NPLOC4: variants seen among roughly 807,000 people sequenced by gnomAD.
The protein encoded by NPLOC4 is nuclear protein localization protein 4 homolog.
NPLOC4 carries 18 observed loss-of-function variants against 80.6 expected under a neutral mutation model. The observed-to-expected ratio is 0.22, with a 90% CI of 0.15 to 0.33. The LOEUF (loss-of-function observed/expected upper bound fraction) is 0.33. Among genes scored for constraint, NPLOC4 ranks in the 10% least tolerant of loss-of-function variants. NPLOC4 has a pLI of 1.00. For missense variants in NPLOC4, 540 were observed against 786.1 expected (o/e 0.69, Z 3.74); for synonymous variants, 313 against 301.5 (o/e 1.04, Z -0.39).
At chr17:81,597,173 C>G (rs62074670) in intron 10 of NPLOC4, 72 bp downstream of exon 10, 107,662 of 1,067,574 alleles carry the variant, frequency 0.1, 6,657 homozygotes, top group Admixed American at 0.25. Context: ...GCAAAGAGAC[C>G]CTGATAATGC....
intron 3 of NPLOC4, among the ~76,000 whole-genome samples, chr17:81,614,873 T>G (rs1248472651): frequency 1.3e-5 from 2 of 152,118 alleles, no homozygotes; most frequent in Non-Finnish European, 2.9e-5. Context: ...GATATCTAAC[T>G]GCTGCCAACA....
chr17:81,581,139 C>T (rs2034427318), intron 12 of NPLOC4, among the ~76,000 whole-genome samples: 1 of 152,126 alleles, frequency 6.6e-6, no homozygotes, highest in Non-Finnish European at 1.5e-5. Flanking sequence ...GACCTGAGGT[C>T]AGGAGTTTGA....
intron 11 of NPLOC4, among the ~76,000 whole-genome samples, chr17:81,594,274 C>CAAAAAAAAAAAAAA (rs869281063): frequency 1.1e-4 from 6 of 53,660 alleles, no homozygotes; most frequent in Non-Finnish European, 1.4e-4. Context: ...GACTCCGTCT[C>CAAAAAAAAAAAAAA]AAAAAAAAAA....
chr17:81,571,971 C>T lies in NPLOC4; in HGVS notation c.1353+46G>A, dbSNP rs773064455. The T allele has an allele frequency of 8.9e-6, 13 of 1,453,190 alleles. No individual in the cohort carries two copies. The East Asian group carries it at 9.5e-5, about 11-fold the overall frequency. The allele number at this position is 1,453,190 out of a possible 1,614,324, so 90.0% of individuals were successfully genotyped here. A position where few individuals can be genotyped will look rare whatever the true frequency, so the allele number is the denominator to read the frequency against. ...CCACCCAGCAGTCCCACCTACAAGG[C>T]GCCCAATGGGTCCACCTGCCCAAGC... On this transcript the variant is annotated intron_variant, in intron 13 of 16. Transcript: ENST00000331134.
In NPLOC4 at chr17:81,558,041, C is replaced by G. The variant is rs933696382; in HGVS notation, c.*1218G>C. On this transcript the variant is annotated 3_prime_UTR_variant, in exon 17 of 17. Transcript: ENST00000331134. ...TGCAGAGCAGCCCAGATGTGGCCAT[C>G]ATTAAGGCAAAGAAGCATCGAGATG... 2 of 152,570 alleles carry G rather than the reference C, an allele frequency of 1.3e-5. No homozygotes were observed. The highest frequency in any genetic ancestry group is 1.9e-4 in the East Asian group (1 of 5,184). 9.5% of individuals were successfully genotyped at this position (152,570 alleles called of 1,614,324 possible).
intron 11 of NPLOC4, among the ~76,000 whole-genome samples, chr17:81,589,736 G>A (rs942710262): frequency 4.0e-5 from 6 of 151,642 alleles, no homozygotes; most frequent in South Asian, 2.1e-4. Flanking sequence ...CTCAGATTAC[G>A]CCTGTAATCT....
intron 6 of NPLOC4, 131 bp downstream of exon 6, chr17:81,608,597 G>T: frequency 1.6e-6 from 1 of 629,742 alleles, no homozygotes; most frequent in Non-Finnish European, 2.8e-6. Context: ...TAGAACCACG[G>T]TAACTTTCAA....
At chr17:81,602,465 G>A (rs1024913052) in intron 8 of NPLOC4, among the ~76,000 whole-genome samples, 2 of 152,092 alleles carry the variant, frequency 1.3e-5, no homozygotes, top group Non-Finnish European at 2.9e-5. Context: ...AACACTTTGT[G>A]AGGCTGAGGC....
intron 1 of NPLOC4, among the ~76,000 whole-genome samples, chr17:81,630,152 G>A (rs558328418): frequency 6.8e-6 from 1 of 146,528 alleles, no homozygotes; most frequent in East Asian, 2.0e-4. Context: ...AATGAACTGT[G>A]TTCTTTAAAA....
chr17:81,604,682 C>T lies in NPLOC4; in HGVS notation c.700G>A (p.Ala234Thr). Reference sequence around the variant, plus strand: ...CTCCAGAAGTCAAGAAAGCGGTCAGCGACGGTGTGATTCTCAAACATGATA... The same window carrying T: ...CTCCAGAAGTCAAGAAAGCGGTCAGTGACGGTGTGATTCTCAAACATGATA... ...DNIMFENHTV[A>T]DRFLDFWRKT... The change falls in exon 8 of 17, where the codon GCT becomes ACT. Residue 234 changes from alanine (A) to threonine (T), a missense_variant. Ala to Thr is a moderately conservative substitution (Grantham distance 58). Around this residue, in one of 6 missense-constraint regions of NPLOC4, gnomAD observed 61 missense variants for 156.7 expected, o/e 0.39. Transcript: ENST00000331134. 1 of 1,613,720 alleles carries T rather than the reference C, an allele frequency of 6.2e-7. No individual in the cohort carries two copies. The highest frequency in any genetic ancestry group is 8.5e-7 in the Non-Finnish European group (1 of 1,179,800).
rs113450373 is a variant in NPLOC4, at chr17:81,595,534, A to ATTTT, written c.1120+578_1120+581dup. ...TATATACATATACATATATATATAT[A>ATTTT]TTTTTTTTTTCTTTTCTTTTCTTTT... On this transcript the variant is annotated intron_variant, in intron 11 of 16. Coordinates refer to ENST00000331134, the MANE Select transcript of NPLOC4 (RefSeq NM_017921.4). Among the ~76,000 whole-genome samples the ATTTT allele has an allele frequency of 1.6e-4, 22 of 139,678 alleles. 1 individual carries two copies. The highest frequency in any genetic ancestry group is 2.3e-4 in the Non-Finnish European group (15 of 65,510). 91.6% of individuals were successfully genotyped at this position (139,678 alleles called of 152,430 possible).
intron 12 of NPLOC4, among the ~76,000 whole-genome samples, chr17:81,575,822 T>G (rs527436058): frequency 6.6e-6 from 1 of 152,296 alleles, no homozygotes; most frequent in South Asian, 2.1e-4. Context: ...GATGCAAAAT[T>G]TTCTCTTAAG....
At chr17:81,563,526 C>T (rs1466616902) in intron 16 of NPLOC4, 2 of 193,764 alleles carry the variant, frequency 1.0e-5, no homozygotes, top group Non-Finnish European at 2.1e-5. Context: ...GCTATGATCA[C>T]TCCACTGCAC....
rs748031448 is a variant in NPLOC4, at chr17:81,559,400, C to G, written c.1686G>C (p.Gln562His). 1.1e-5 allele frequency: 18 copies of G among 1,610,304 alleles called. No individual in the cohort carries two copies. The South Asian group carries it at 2.0e-4, about 18-fold the overall frequency. Residue 562 changes from glutamine to histidine, a missense_variant, in exon 17 of 17, where the codon CAG becomes CAC. Gln to His is a conservative substitution (Grantham distance 24). Around this residue, in one of 6 missense-constraint regions of NPLOC4, gnomAD observed 87 missense variants for 70.3 expected, o/e 1.24. Transcript: ENST00000331134. ...IEQLCSTVGG[Q>H]LPGLHEYGAV... is the part of the protein sequence containing the mutation. ...CGCCGTACTCATGGAGACCTGGGAG[C>G]TGCCCGCCAACTGTGCCTGCAGGGT...
intron 16 of NPLOC4, among the ~76,000 whole-genome samples, chr17:81,560,079 C>G (rs2033801779): frequency 6.6e-6 from 1 of 152,030 alleles, no homozygotes; most frequent in Non-Finnish European, 1.5e-5. Context: ...GATCATTCTT[C>G]TACAATTTCT....
chr17:81,621,599 C>T (rs1282132974), intron 3 of NPLOC4, among the ~76,000 whole-genome samples: 1 of 152,236 alleles, frequency 6.6e-6, no homozygotes, highest in Non-Finnish European at 1.5e-5. Context: ...ATACTTTCAG[C>T]TTTGCAGGCC....
Position 81,557,856 on chromosome 17 carries a change from C to T in NPLOC4, c.*1403G>A, listed in dbSNP as rs8068081. 0.015 allele frequency: 2,294 copies of T among 152,414 alleles called. 56 individuals carry two copies. Among genetic ancestry groups the T allele is most frequent in the East Asian group, 0.11 (573 of 5,188 alleles). 9.4% of individuals were successfully genotyped at this position (152,414 alleles called of 1,614,324 possible). ...CTTCCACTTGGTGTCCCATGCCAGG[C>T]GGACCTGGAGGTGTCAGCCATGGCC... On this transcript the variant is annotated 3_prime_UTR_variant, in exon 17 of 17. Coordinates refer to ENST00000331134, the MANE Select transcript of NPLOC4 (RefSeq NM_017921.4).
At chr17:81,634,821 G>A (rs2036024203) in intron 1 of NPLOC4, among the ~76,000 whole-genome samples, 1 of 151,294 alleles carries the variant, frequency 6.6e-6, no homozygotes, top group African/African-American at 2.4e-5. Context: ...CTGACCTCGT[G>A]ATCCGCCCAC....
At position 81,589,119 on chromosome 17, in the gene NPLOC4, C is replaced by T; in HGVS notation, c.1121-15G>A. On this transcript the variant is annotated splice_polypyrimidine_tract_variant and intron_variant, in intron 11 of 16. Coordinates refer to ENST00000331134, the MANE Select transcript of NPLOC4 (RefSeq NM_017921.4). ...GTCAGGACCACCTGCAAGAGAGAGA[C>T]CTTTAAAAAGAGTCTACCAAACGGC... 1 of 1,607,612 alleles carries T rather than the reference C, an allele frequency of 6.2e-7. No homozygotes were observed. Among genetic ancestry groups the T allele is most frequent in the African/African-American group, 1.3e-5 (1 of 74,786 alleles).
Sources: allele counts gnomAD v4.1 joint callset (sites outside exome capture counted in the v4.1 genomes callset), GRCh38; gene constraint gnomAD v4.1.1; regional missense constraint gnomAD v4.1.1; transcripts MANE v1.5; gene names NCBI Gene and HGNC (gene_info 2026-07-23, HGNC 2026-07-21).